The following PHKB variants were observed in gnomAD, a reference collection of about 807,000 sequenced individuals.
The protein encoded by PHKB is phosphorylase kinase regulatory subunit beta.
Under a neutral mutation model 152.1 loss-of-function variants are expected in PHKB, and 122 were observed. The observed-to-expected ratio is 0.80, with a 90% CI of 0.69 to 0.93. The LOEUF (loss-of-function observed/expected upper bound fraction) is 0.93. PHKB is among the 40% of genes least tolerant of loss of function. The probability of loss-of-function intolerance (pLI) is 0.00; values close to 1 mark genes in which losing one functional copy is unlikely to be tolerated. For missense variants in PHKB, 1,304 were observed against 1,328.4 expected (o/e 0.98, Z 0.29); for synonymous variants, 436 against 464.9 (o/e 0.94, Z 0.80).
At chr16:47,613,096 TGCTTGTTCCCGAAA>T (rs1292262891) in intron 14 of PHKB, among the ~76,000 whole-genome samples, 2 of 152,152 alleles carry the variant, frequency 1.3e-5, no homozygotes, top group African/African-American at 4.8e-5. Flanking sequence ...ATGGTAGAAG[TGCTTGTTCCCGAAA>T]GAAGGTATGT....
At chr16:47,693,911 T>G (rs1031108383) in intron 28 of PHKB, among the ~76,000 whole-genome samples, 1 of 152,226 alleles carries the variant, frequency 6.6e-6, no homozygotes, top group African/African-American at 2.4e-5. Context: ...GTTTCCTATA[T>G]TGGCTTTACT....
At chr16:47,642,816 A>G (rs1973049010) in intron 16 of PHKB, among the ~76,000 whole-genome samples, 1 of 152,162 alleles carries the variant, frequency 6.6e-6, no homozygotes, top group Admixed American at 6.5e-5. Context: ...GCCAAGAGAT[A>G]AAGCTGAAAA....
intron 1 of PHKB, among the ~76,000 whole-genome samples, chr16:47,495,919 C>A (rs1161333067): frequency 6.6e-6 from 1 of 152,162 alleles, no homozygotes; most frequent in Non-Finnish European, 1.5e-5. Context: ...CAAGTCTTAT[C>A]TACAAATTAC....
chr16:47,672,864 T>C (rs1459467546), intron 26 of PHKB, among the ~76,000 whole-genome samples: 1 of 152,152 alleles, frequency 6.6e-6, no homozygotes, highest in African/African-American at 2.4e-5. Flanking sequence ...ATACCATTTT[T>C]CCTTATACTG....
At chr16:47,682,752 T>C (rs1250971916) in intron 26 of PHKB, among the ~76,000 whole-genome samples, 1 of 152,230 alleles carries the variant, frequency 6.6e-6, no homozygotes, top group East Asian at 1.9e-4. Context: ...TGAAGCCTTC[T>C]TCTCTCACCT....
In PHKB at chr16:47,649,395, G is replaced by A. The variant is rs936275831; in HGVS notation, c.1797+191G>A. On this transcript the variant is annotated intron_variant, in intron 18 of 30. Transcript: ENST00000323584. ...CAGCATTGGCATAATAGATGACCTCGTCTTATATACAGTTGTATGACTGCC... is the reference window on the plus strand; with the variant it reads ...CAGCATTGGCATAATAGATGACCTCATCTTATATACAGTTGTATGACTGCC... 2.6e-5 allele frequency among the ~76,000 whole-genome samples: 4 copies of A among 152,134 alleles called. No homozygotes were observed. The South Asian group carries it at 6.2e-4, about 24-fold the overall frequency.
intron 7 of PHKB, among the ~76,000 whole-genome samples, chr16:47,564,640 G>A (rs544249697): frequency 1.2e-4 from 18 of 152,228 alleles, no homozygotes; most frequent in African/African-American, 4.1e-4. Flanking sequence ...TGTTACATTT[G>A]CTTTTGGGGT....
intron 27 of PHKB, among the ~76,000 whole-genome samples, chr16:47,689,453 C>G (rs1974022856): frequency 1.3e-5 from 2 of 152,186 alleles, no homozygotes; most frequent in Admixed American, 1.3e-4. Flanking sequence ...TGTAACACCT[C>G]ATACCACTTT....
intron 6 of PHKB, among the ~76,000 whole-genome samples, chr16:47,542,437 G>A (rs745789223): frequency 1.1e-4 from 16 of 152,118 alleles, no homozygotes; most frequent in Non-Finnish European, 1.9e-4. Context: ...GTAGCGTGAT[G>A]CCTCCAGCTT....
chr16:47,684,502 C>A (rs1053806408), intron 26 of PHKB, among the ~76,000 whole-genome samples: 1 of 152,074 alleles, frequency 6.6e-6, no homozygotes, highest in South Asian at 2.1e-4. Context: ...CGCGGTGGCT[C>A]ACCCCTGTAA....
In PHKB at chr16:47,649,122, CTG is replaced by C. The variant is rs1336328837; in HGVS notation, c.1718_1719del (p.Val573GlyfsTer11). On this transcript the variant is annotated frameshift_variant, in exon 18 of 31. Coordinates refer to ENST00000323584, the MANE Select transcript of PHKB (RefSeq NM_000293.3). LOFTEE classifies it high-confidence loss of function. ...CAGATTTATCGCATTCTAGGAAAGACTGTGGTTTGTTACCCGATTATTTTCGA... is the reference window on the plus strand; with the variant it reads ...CAGATTTATCGCATTCTAGGAAAGACTGGTTTGTTACCCGATTATTTTCGA... 2 of 1,604,198 alleles carry C rather than the reference CTG, an allele frequency of 1.2e-6. No homozygotes were observed. Among genetic ancestry groups the C allele is most frequent in the Non-Finnish European group, 1.7e-6 (2 of 1,171,008 alleles).
At chr16:47,680,515 G>A (rs1348267056) in intron 26 of PHKB, among the ~76,000 whole-genome samples, 1 of 152,162 alleles carries the variant, frequency 6.6e-6, no homozygotes, top group East Asian at 1.9e-4. Context: ...ATGTGTCGAG[G>A]AATTTATCCA....
intron 14 of PHKB, among the ~76,000 whole-genome samples, chr16:47,617,794 C>T (rs568651179): frequency 2.0e-5 from 3 of 152,180 alleles, no homozygotes; most frequent in Non-Finnish European, 4.4e-5. Flanking sequence ...TCCTGGCTAA[C>T]CTTATTGATG....
At chr16:47,463,856 G>T in intron 1 of PHKB, 1 of 1,404,062 alleles carries the variant, frequency 7.1e-7, no homozygotes, top group South Asian at 1.2e-5. Context: ...ATTTAACACT[G>T]ATTGCTTCTA....
chr16:47,485,885 T>C (rs1970041129), intron 1 of PHKB, among the ~76,000 whole-genome samples: 2 of 151,834 alleles, frequency 1.3e-5, no homozygotes, highest in South Asian at 4.2e-4. Flanking sequence ...CCTCCCAAAG[T>C]GCTGGGATTA....
chr16:47,568,507 T>G (rs1971605415), intron 7 of PHKB, among the ~76,000 whole-genome samples: 1 of 152,178 alleles, frequency 6.6e-6, no homozygotes, highest in Admixed American at 6.5e-5. Flanking sequence ...TTTTGTATTG[T>G]CTTTTGGTTT....
Position 47,483,236 on chromosome 16 carries a change from C to T in PHKB, c.77-14163C>T, listed in dbSNP as rs995254577. ...GTATTTTTTGTATTTTTAGTAGAGA[C>T]GCGGTTTCACTATGTTGGCCATGCT... On this transcript the variant is annotated intron_variant, in intron 1 of 30. Transcript: ENST00000323584. Among the ~76,000 whole-genome samples, 28 of 151,356 alleles carry T rather than the reference C, an allele frequency of 1.8e-4. 1 individual carries two copies. Among genetic ancestry groups the T allele is most frequent in the Admixed American group, 4.6e-4 (7 of 15,186 alleles).
intron 17 of PHKB, 40 bp from the exon 18 acceptor site, chr16:47,649,060 T>A (rs1175030791): frequency 1.8e-6 from 2 of 1,095,400 alleles, no homozygotes; most frequent in East Asian, 2.3e-5. Flanking sequence ...GCCTTTGGTA[T>A]GTTCTTTAGT....
chr16:47,461,349 C>T lies in PHKB; in HGVS notation c.-2C>T. On this transcript the variant is annotated 5_prime_UTR_variant, in exon 1 of 31. Transcript: ENST00000323584. Reference sequence around the variant, plus strand: ...GGTGGCCAAGGCGGCGACCGGAGCGCGATGGCGGGGGCGGCGGGACTCACG... The same window carrying T: ...GGTGGCCAAGGCGGCGACCGGAGCGTGATGGCGGGGGCGGCGGGACTCACG... 1 of 1,609,052 alleles carries T rather than the reference C, an allele frequency of 6.2e-7. No homozygotes were observed. The highest frequency in any genetic ancestry group is 1.7e-5 in the Admixed American group (1 of 59,722).
Sources: allele counts gnomAD v4.1 joint callset (sites outside exome capture counted in the v4.1 genomes callset), GRCh38; gene constraint gnomAD v4.1.1; transcripts MANE v1.5; gene names NCBI Gene and HGNC (gene_info 2026-07-23, HGNC 2026-07-21).